Variants in SGCZ observed in about 807,000 individuals in gnomAD.
SGCZ encodes the protein zeta-sarcoglycan.
Under a neutral mutation model 41.3 loss-of-function variants are expected in SGCZ, and 40 were observed. The observed-to-expected ratio is 0.97, with a 90% confidence interval of 0.75 to 1.26. The LOEUF (loss-of-function observed/expected upper bound fraction) is 1.26. SGCZ is among the 50% of genes most tolerant of loss of function. The pLI is 0.00. For synonymous variants in SGCZ, 206 were observed against 137.5 expected (o/e 1.50, Z -3.49); for missense variants, 552 against 369.8 (o/e 1.49, Z -4.04).
chr8:14,977,540 A>G (rs1433492675), intron 1 of SGCZ, among the ~76,000 whole-genome samples: 1 of 152,168 alleles, frequency 6.6e-6, no homozygotes, highest in Non-Finnish European at 1.5e-5. Context: ...ATTATGTTCC[A>G]GGCTCAGTGA....
At chr8:14,669,562 G>C (rs1808034477) in intron 1 of SGCZ, among the ~76,000 whole-genome samples, 1 of 151,908 alleles carries the variant, frequency 6.6e-6, no homozygotes, top group Non-Finnish European at 1.5e-5. Flanking sequence ...ATATAAGTAA[G>C]ATCATGCAGT....
At chr8:15,224,067 G>C (rs951498309) in intron 1 of SGCZ, among the ~76,000 whole-genome samples, 1 of 152,074 alleles carries the variant, frequency 6.6e-6, no homozygotes, top group South Asian at 2.1e-4. Context: ...TGCTGGCCAG[G>C]CTGGTCTCAA....
intron 1 of SGCZ, among the ~76,000 whole-genome samples, chr8:14,717,618 G>A (rs1008864913): frequency 6.6e-6 from 1 of 152,178 alleles, no homozygotes; most frequent in South Asian, 2.1e-4. Flanking sequence ...CATATGCTCA[G>A]AAAGACTATG....
At chr8:14,242,373 C>A (rs555707978) in intron 3 of SGCZ, among the ~76,000 whole-genome samples, 1 of 152,086 alleles carries the variant, frequency 6.6e-6, no homozygotes, top group African/African-American at 2.4e-5. Flanking sequence ...ACAATAAAAC[C>A]ATCCACGAAG....
chr8:14,351,397 G>C (rs949455547), intron 2 of SGCZ, among the ~76,000 whole-genome samples: 1 of 151,882 alleles, frequency 6.6e-6, no homozygotes, highest in Non-Finnish European at 1.5e-5. Flanking sequence ...ATCAACTTCA[G>C]CCTTGTCTTC....
chr8:14,094,349 T>A (rs565554352), intron 7 of SGCZ, among the ~76,000 whole-genome samples: 1 of 152,152 alleles, frequency 6.6e-6, no homozygotes, highest in African/African-American at 2.4e-5. Context: ...GTCCATGTAT[T>A]CTCATTGTTC....
intron 1 of SGCZ, among the ~76,000 whole-genome samples, chr8:14,633,260 G>C (rs572713610): frequency 2.9e-4 from 44 of 151,854 alleles, no homozygotes; most frequent in African/African-American, 1.1e-3. Context: ...CAGTTTATTG[G>C]GTAAGAAATT....
intron 1 of SGCZ, among the ~76,000 whole-genome samples, chr8:15,154,338 T>C (rs1006642955): frequency 6.6e-6 from 1 of 152,200 alleles, no homozygotes; most frequent in Non-Finnish European, 1.5e-5. Context: ...TGAAATAAGC[T>C]GATCTCTGGA....
intron 2 of SGCZ, among the ~76,000 whole-genome samples, chr8:14,364,329 C>T (rs1803625975): frequency 6.6e-6 from 1 of 152,130 alleles, no homozygotes; most frequent in Non-Finnish European, 1.5e-5. Flanking sequence ...TGATGCTGAA[C>T]ATTTTGCTAC....
chr8:14,915,296 A>T (rs900839782), intron 1 of SGCZ, among the ~76,000 whole-genome samples: 5 of 152,170 alleles, frequency 3.3e-5, no homozygotes, highest in South Asian at 2.1e-4. Flanking sequence ...AAGATTAAGC[A>T]CTCTAGAAAT....
intron 1 of SGCZ, among the ~76,000 whole-genome samples, chr8:14,574,935 G>A (rs1804663198): frequency 6.6e-6 from 1 of 152,082 alleles, no homozygotes; most frequent in Non-Finnish European, 1.5e-5. Flanking sequence ...AATACATCAA[G>A]AACGCACAAA....
intron 1 of SGCZ, among the ~76,000 whole-genome samples, chr8:14,933,312 A>C (rs572685882): frequency 6.6e-6 from 1 of 152,170 alleles, no homozygotes; most frequent in African/African-American, 2.4e-5. Context: ...AGACAGAGAA[A>C]GAGGACCCAG....
At chr8:14,219,131 T>C (rs901042853) in intron 4 of SGCZ, among the ~76,000 whole-genome samples, 56 of 152,264 alleles carry the variant, frequency 3.7e-4, no homozygotes, top group African/African-American at 1.2e-3. Flanking sequence ...CTCAATTGGA[T>C]TGTGATGTGC....
intron 2 of SGCZ, among the ~76,000 whole-genome samples, chr8:14,503,745 T>A (rs1461455012): frequency 6.6e-6 from 1 of 152,062 alleles, no homozygotes; most frequent in Non-Finnish European, 1.5e-5. Flanking sequence ...TCCAGCCTGG[T>A]GACAGAGCAA....
intron 1 of SGCZ, among the ~76,000 whole-genome samples, chr8:15,212,193 A>C (rs1439436709): frequency 6.6e-6 from 1 of 152,128 alleles, no homozygotes; most frequent in Non-Finnish European, 1.5e-5. Flanking sequence ...AGCTCCTTAA[A>C]TCTCTTAAGG....
intron 2 of SGCZ, among the ~76,000 whole-genome samples, chr8:14,553,711 A>G (rs148268919): frequency 1.4e-4 from 21 of 152,148 alleles, no homozygotes; most frequent in African/African-American, 5.1e-4. Flanking sequence ...CCGAGTTAGA[A>G]TTAAGAGTTA....
chr8:15,187,404 A>AT (rs781463387), intron 1 of SGCZ, among the ~76,000 whole-genome samples: 14 of 152,108 alleles, frequency 9.2e-5, no homozygotes, highest in Non-Finnish European at 1.6e-4. Context: ...GAGGAGAGAC[A>AT]TTTTTTAGAA....
chr8:15,175,840 G>A lies in SGCZ; in HGVS notation c.39+61745C>T, dbSNP rs148970977. 7.5e-4 allele frequency among the ~76,000 whole-genome samples: 114 copies of A among 152,226 alleles called. 1 individual carries two copies. The highest frequency in any genetic ancestry group is 2.6e-3 in the African/African-American group (109 of 41,552). On this transcript the variant is annotated intron_variant, in intron 1 of 7. Coordinates refer to ENST00000382080, the MANE Select transcript of SGCZ (RefSeq NM_139167.4). ...GGAAAGAAAATGACTTCTAGGAGAG[G>A]AAGATTGCAAAACCAAAGGAAAAGA... is the stretch of plus-strand genomic sequence containing the variant.
intron 3 of SGCZ, among the ~76,000 whole-genome samples, chr8:14,271,830 T>C (rs1198622499): frequency 6.6e-6 from 1 of 152,156 alleles, no homozygotes; most frequent in African/African-American, 2.4e-5. Flanking sequence ...AACTGAACAA[T>C]TGCTGTTAAA....
Sources: gnomAD v4.1 joint callset for allele counts (sites outside exome capture counted in the v4.1 genomes callset) on GRCh38, gnomAD v4.1.1 for gene constraint, MANE v1.5 for transcripts, NCBI Gene and HGNC (gene_info 2026-07-23, HGNC 2026-07-21) for gene names.